The following ELFN2 variants were observed in gnomAD, a reference collection of about 807,000 sequenced individuals.
ELFN2 encodes protein phosphatase 1 regulatory subunit 29.
Under a neutral mutation model 45.5 loss-of-function variants are expected in ELFN2, and 17 were observed. The ratio of observed to expected loss-of-function variants is 0.37; its 90% CI spans 0.26 to 0.56. ELFN2 has a LOEUF of 0.56. Ranked by LOEUF, ELFN2 falls within the 20% of genes least tolerant of loss-of-function variation. ELFN2 has a pLI of 0.77. For missense variants in ELFN2, 922 were observed against 1,183.2 expected, an observed-to-expected ratio of 0.78 and a Z score of 3.24; for synonymous variants, 550 against 551.5, an observed-to-expected ratio of 1.00 and a Z score of 0.04.
chr22:37,353,436 C>G (rs1930871412), intron 1 of ELFN2: 1 of 151,020 alleles, frequency 6.6e-6, no homozygotes, highest in Admixed American at 6.6e-5. Context: ...CAAAAGCCAC[C>G]CTTCTATTAC....
rs549348099 is a variant in ELFN2, at chr22:37,398,742, C to T, written c.-463+19027G>A. Among the ~76,000 whole-genome samples the T allele has an allele frequency of 3.8e-4, 55 of 143,056 alleles. 1 individual carries two copies. The highest frequency in any genetic ancestry group is 2.3e-3 in the East Asian group (11 of 4,702). The allele number at this position is 143,056 out of a possible 152,430, so 93.9% of individuals were successfully genotyped here. On this transcript the variant is annotated intron_variant, in intron 2 of 2. Transcript: ENST00000402918. Reference sequence around the variant, plus strand: ...CTGCTCCCCGCTTCACACACGCAGGCGTGCACACACACGCATCTACACATG... The same window carrying T: ...CTGCTCCCCGCTTCACACACGCAGGTGTGCACACACACGCATCTACACATG...
At chr22:37,418,808 T>C (rs1437877722) in intron 1 of ELFN2, 1 of 152,428 alleles carries the variant, frequency 6.6e-6, no homozygotes, top group Non-Finnish European at 1.5e-5. Flanking sequence ...CCAGGTGTAA[T>C]GCCTCTACCC....
chr22:37,409,603 G>A (rs965306761), intron 2 of ELFN2, among the ~76,000 whole-genome samples: 28 of 152,212 alleles, frequency 1.8e-4, no homozygotes, highest in Admixed American at 4.6e-4. Flanking sequence ...CAGCCCACCC[G>A]TGCCCCAGGG....
chr22:37,362,375 G>A (rs145069590), intron 1 of ELFN2, among the ~76,000 whole-genome samples: 14 of 152,232 alleles, frequency 9.2e-5, no homozygotes, highest in East Asian at 7.7e-4. Context: ...GGCTCTCCCC[G>A]TTTCCAACCC....
At chr22:37,384,482 G>C (rs9610727) in intron 2 of ELFN2, among the ~76,000 whole-genome samples, 36,081 of 134,466 alleles carry the variant, frequency 0.27, 5,122 homozygotes, top group South Asian at 0.36. Context: ...CCCATGGACT[G>C]TGCCTCCCAC....
At chr22:37,418,547 C>A (rs1418201487) in intron 1 of ELFN2, among the ~76,000 whole-genome samples, 1 of 151,966 alleles carries the variant, frequency 6.6e-6, no homozygotes, top group Non-Finnish European at 1.5e-5. Context: ...TCACACATGT[C>A]ACACCCACGT....
At chr22:37,391,190 TGCG>T (rs1324604056) in intron 2 of ELFN2, among the ~76,000 whole-genome samples, 1 of 152,188 alleles carries the variant, frequency 6.6e-6, no homozygotes, top group East Asian at 1.9e-4. Context: ...CGCCCAAGGC[TGCG>T]TGGGGGCCAT....
chr22:37,423,376 A>C (rs12170966), intron 1 of ELFN2, among the ~76,000 whole-genome samples: 1,725 of 152,332 alleles, frequency 0.011, 41 homozygotes, highest in African/African-American at 0.039. Context: ...AGCAAGGCCC[A>C]GAAAGGGCCT....
intron 2 of ELFN2, among the ~76,000 whole-genome samples, chr22:37,395,106 A>AAAATAAAT (rs3041590): frequency 0.021 from 2,892 of 140,982 alleles, 45 homozygotes; most frequent in East Asian, 0.043. Context: ...CTCTGTCTCA[A>AAAATAAAT]AAATAAATAA....
Position 37,374,279 on chromosome 22 carries a change from A to G in ELFN2, c.1256T>C (p.Leu419Pro). ...CTCCTCCTGCATGCGCCGCTTGCGC[A>G]GGCAGTAGTACACGGCTCCCAGCAC... The part of the protein sequence containing the change: ...VIVLGAVYYC[L>P]RKRRMQEEKQ... Residue 419 changes from leucine to proline, a missense_variant, in exon 3 of 3, where the codon CTG becomes CCG. Transcript: ENST00000402918. The G allele has an allele frequency of 1.2e-6, 2 of 1,614,012 alleles. No individual in the cohort carries two copies. Among genetic ancestry groups the G allele is most frequent in the Non-Finnish European group, 1.7e-6 (2 of 1,180,022 alleles).
chr22:37,382,318 C>T (rs934809927), intron 2 of ELFN2, among the ~76,000 whole-genome samples: 2 of 152,070 alleles, frequency 1.3e-5, no homozygotes, highest in African/African-American at 4.8e-5. Flanking sequence ...TTTCTTTGCT[C>T]ACTGCCGCCT....
downstream of ELFN2, among the ~76,000 whole-genome samples, chr22:37,365,583 T>TA (rs1931185004): frequency 6.6e-6 from 1 of 152,142 alleles, no homozygotes; most frequent in Non-Finnish European, 1.5e-5. Context: ...AGGAAGAACT[T>TA]ATATACCAGC....
At chr22:37,342,502 C>T (rs901513224) in intron 2 of ELFN2, 3 of 152,234 alleles carry the variant, frequency 2.0e-5, no homozygotes, top group Non-Finnish European at 4.4e-5. Context: ...TGGGGCCCTC[C>T]CCCGAGGTGC....
intron 2 of ELFN2, among the ~76,000 whole-genome samples, chr22:37,409,729 A>T (rs1263505717): frequency 6.6e-6 from 1 of 152,234 alleles, no homozygotes; most frequent in African/African-American, 2.4e-5. Context: ...ATGTCCTTTC[A>T]AGAAAAGCCC....
chr22:37,344,114 GC>G (rs1254596903), intron 1 of ELFN2, among the ~76,000 whole-genome samples: 1 of 71,998 alleles, frequency 1.4e-5, no homozygotes, highest in African/African-American at 5.9e-5. Context: ...CCCTGCCTAT[GC>G]CCGCCTGCCC....
At chr22:37,379,833 T>A (rs1434373246) in intron 2 of ELFN2, among the ~76,000 whole-genome samples, 1 of 152,022 alleles carries the variant, frequency 6.6e-6, no homozygotes, top group Non-Finnish European at 1.5e-5. Context: ...TCCCGCTGGG[T>A]TTGTGCCCTT....
At chr22:37,379,969 G>A (rs1931704676) in intron 2 of ELFN2, among the ~76,000 whole-genome samples, 1 of 152,202 alleles carries the variant, frequency 6.6e-6, no homozygotes, top group Non-Finnish European at 1.5e-5. Context: ...CCTGGCCTCT[G>A]TGAATGACAG....
rs745949408 is a variant in ELFN2 at position 37,375,101 on chromosome 22, G to C, written c.434C>G (p.Thr145Ser). Reference sequence around the variant, plus strand: ...GAGGCTCGGGCACTCGGAGAAGGCGGTGGGCGTCACCACCTCGATGAGGTT... The same window carrying C: ...GAGGCTCGGGCACTCGGAGAAGGCGCTGGGCGTCACCACCTCGATGAGGTT... ...QHNLIEVVTP[T>S]AFSECPSLIS... The change falls in exon 3 of 3, where the codon ACC becomes AGC. Residue 145 changes from threonine (T) to serine (S), a missense_variant. Around this residue, in one of 2 missense-constraint regions of ELFN2, gnomAD observed 358 missense variants for 540.4 expected, o/e 0.66. Transcript: ENST00000402918. 1 of 1,613,634 alleles carries C rather than the reference G, an allele frequency of 6.2e-7. No homozygotes were observed. The highest frequency in any genetic ancestry group is 1.3e-5 in the African/African-American group (1 of 74,922).
chr22:37,395,586 C>T (rs938776226), intron 2 of ELFN2, among the ~76,000 whole-genome samples: 16 of 152,184 alleles, frequency 1.1e-4, no homozygotes, highest in Non-Finnish European at 2.4e-4. Flanking sequence ...AGAGGCACCC[C>T]TTGGCTGGCT....
Sources: gnomAD v4.1 joint callset for allele counts (sites outside exome capture counted in the v4.1 genomes callset) on GRCh38, gnomAD v4.1.1 for gene constraint, gnomAD v4.1.1 regional missense constraint, MANE v1.5 for transcripts, NCBI Gene and HGNC (gene_info 2026-07-23, HGNC 2026-07-21) for gene names.